Variants in LUZP2 observed in about 807,000 individuals in gnomAD.
LUZP2 encodes the protein leucine zipper protein 2.
Under a neutral mutation model 51.6 loss-of-function variants are expected in LUZP2, and 52 were observed. The observed-to-expected ratio is 1.01, with a 90% confidence interval of 0.81 to 1.27. LUZP2 has a LOEUF of 1.27. Ranked by LOEUF, LUZP2 falls within the 50% of genes most tolerant of loss-of-function variation. LUZP2 has a pLI of 0.00. For missense variants in LUZP2, 436 were observed against 395.4 expected (o/e 1.10, Z -0.87); for synonymous variants, 154 against 137.3 (o/e 1.12, Z -0.85).
intron 1 of LUZP2, among the ~76,000 whole-genome samples, chr11:24,586,471 CAA>C (rs1456415502): frequency 5.3e-5 from 8 of 151,762 alleles, no homozygotes; most frequent in Non-Finnish European, 1.2e-4. Flanking sequence ...TCAGAAATAA[CAA>C]AGACTCTTTT....
At chr11:24,761,679 C>T (rs565491246) in intron 4 of LUZP2, among the ~76,000 whole-genome samples, 1 of 152,082 alleles carries the variant, frequency 6.6e-6, no homozygotes. Flanking sequence ...TACAGTGCCT[C>T]GTTCTTCACC....
intron 9 of LUZP2, among the ~76,000 whole-genome samples, chr11:25,037,231 A>T (rs780502833): frequency 3.3e-5 from 5 of 152,066 alleles, no homozygotes; most frequent in Admixed American, 6.6e-5. Flanking sequence ...CTTGTTAATT[A>T]TTAATTGGTT....
At chr11:24,798,952 A>G (rs1216333862) in intron 5 of LUZP2, among the ~76,000 whole-genome samples, 2 of 152,134 alleles carry the variant, frequency 1.3e-5, no homozygotes, top group Non-Finnish European at 2.9e-5. Flanking sequence ...TGTGTTCAAC[A>G]TTGCTACTAA....
rs79341295 is a variant in LUZP2, at chr11:24,558,072, G to T, written c.62+60767G>T. 3.9e-3 allele frequency among the ~76,000 whole-genome samples: 600 copies of T among 152,244 alleles called. 25 individuals carry two copies. In the East Asian group the frequency reaches 0.086, roughly 22 times the overall value. ...AGCTGGGAGTCAAGAGAACAAAAAA[G>T]CAGAGGAAGGGTGAATTCTTGCTCT... On this transcript the variant is annotated intron_variant, in intron 1 of 11. Coordinates refer to ENST00000336930, the MANE Select transcript of LUZP2 (RefSeq NM_001009909.4).
intron 7 of LUZP2, among the ~76,000 whole-genome samples, chr11:24,955,876 G>A (rs1855197217): frequency 6.6e-6 from 1 of 152,014 alleles, no homozygotes; most frequent in Admixed American, 6.6e-5. Context: ...CACTGAAGTT[G>A]TTTTGTCAAG....
At chr11:24,615,613 G>C (rs1327843260) in intron 1 of LUZP2, among the ~76,000 whole-genome samples, 2 of 151,908 alleles carry the variant, frequency 1.3e-5, no homozygotes, top group African/African-American at 4.8e-5. Context: ...GAATATTTCT[G>C]AACAAGTTTC....
At chr11:24,692,603 G>A (rs1857110518) in intron 1 of LUZP2, among the ~76,000 whole-genome samples, 1 of 151,898 alleles carries the variant, frequency 6.6e-6, no homozygotes, top group Non-Finnish European at 1.5e-5. Flanking sequence ...ATATTTAGTG[G>A]CATTATTTTA....
chr11:24,972,126 G>A (rs77880101), intron 7 of LUZP2, among the ~76,000 whole-genome samples: 11,202 of 113,442 alleles, frequency 0.099, 1,720 homozygotes, highest in African/African-American at 0.33. Flanking sequence ...GGGTGACAGC[G>A]GAGTGAGACT....
chr11:24,736,061 T>C (rs565153121), intron 3 of LUZP2, among the ~76,000 whole-genome samples: 1 of 151,974 alleles, frequency 6.6e-6, no homozygotes, highest in African/African-American at 2.4e-5. Flanking sequence ...GATAGTGTTC[T>C]TTGGCAGGAA....
At chr11:25,040,939 A>G (rs1565268538) in intron 9 of LUZP2, among the ~76,000 whole-genome samples, 1 of 151,906 alleles carries the variant, frequency 6.6e-6, no homozygotes. Context: ...ACCAAAATTG[A>G]TCTTTGGTAC....
chr11:25,016,195 C>G lies in LUZP2; in HGVS notation c.765+32902C>G, dbSNP rs551596661. ...TCGGCCTCCAAAAGTGCTGGGATTA[C>G]AAGCGTGAGCCACCATGCCTGGCCA... is the stretch of plus-strand genomic sequence containing the variant. On this transcript the variant is annotated intron_variant, in intron 9 of 11. Transcript: ENST00000336930. Among the ~76,000 whole-genome samples the G allele has an allele frequency of 1.2e-4, 19 of 152,186 alleles. No individual in the cohort carries two copies. The South Asian group carries it at 3.1e-3, about 25-fold the overall frequency.
In LUZP2 at chr11:24,689,636, C is replaced by CT. The variant is rs541851046; in HGVS notation, c.63-39529dup. Among the ~76,000 whole-genome samples the CT allele has an allele frequency of 7.2e-5, 11 of 152,278 alleles. No homozygotes were observed. The South Asian group carries it at 1.9e-3, about 26-fold the overall frequency. On this transcript the variant is annotated intron_variant, in intron 1 of 11. Coordinates refer to ENST00000336930, the MANE Select transcript of LUZP2 (RefSeq NM_001009909.4). ...AGACTGGGTGGGGTTGGGGAGGACT[C>CT]TTTTGTCTTGCTCATGTCTGAACTG...
At chr11:24,561,882 C>G (rs1468881249) in intron 1 of LUZP2, among the ~76,000 whole-genome samples, 1 of 150,802 alleles carries the variant, frequency 6.6e-6, no homozygotes, top group Non-Finnish European at 1.5e-5. Context: ...GAAAAAAGCA[C>G]TTAAAGAAGT....
At chr11:24,561,642 G>C (rs1278142829) in intron 1 of LUZP2, among the ~76,000 whole-genome samples, 1 of 152,024 alleles carries the variant, frequency 6.6e-6, no homozygotes, top group East Asian at 1.9e-4. Flanking sequence ...TGGACACAGG[G>C]AGAGGAACAT....
At chr11:24,701,349 A>C (rs992952618) in intron 1 of LUZP2, 4 of 167,482 alleles carry the variant, frequency 2.4e-5, no homozygotes, top group African/African-American at 7.2e-5. Context: ...CATGATTGTC[A>C]GCTTAATCTG....
At chr11:24,853,402 T>G (rs1851455115) in intron 5 of LUZP2, among the ~76,000 whole-genome samples, 1 of 151,926 alleles carries the variant, frequency 6.6e-6, no homozygotes, top group East Asian at 1.9e-4. Context: ...TTCTTCTGCT[T>G]GATCGATTCA....
intron 5 of LUZP2, among the ~76,000 whole-genome samples, chr11:24,791,684 TC>T: frequency 6.6e-6 from 1 of 152,282 alleles, no homozygotes; most frequent in East Asian, 1.9e-4. Flanking sequence ...TTAAATTAGT[TC>T]TTTGATTATT....
intron 1 of LUZP2, among the ~76,000 whole-genome samples, chr11:24,535,905 T>G (rs539278830): frequency 2.0e-5 from 3 of 150,090 alleles, no homozygotes; most frequent in Non-Finnish European, 4.4e-5. Context: ...TTATAAAATG[T>G]TTTTTTTAAA....
At chr11:24,878,100 G>GTTTTTTTTTTTTTTTTTTTTTTT (rs368516003) in intron 5 of LUZP2, among the ~76,000 whole-genome samples, 1 of 96,656 alleles carries the variant, frequency 1.0e-5, no homozygotes, top group African/African-American at 3.8e-5. Flanking sequence ...AATATTCTGT[G>GTTTTTTTTTTTTTTTTTTTTTTT]TTTTTTTTTT....
Sources: allele counts gnomAD v4.1 joint callset (sites outside exome capture counted in the v4.1 genomes callset), GRCh38; gene constraint gnomAD v4.1.1; transcripts MANE v1.5; gene names NCBI Gene and HGNC (gene_info 2026-07-23, HGNC 2026-07-21).